The following PTPRD variants were observed in gnomAD, a reference collection of about 807,000 sequenced individuals.
The protein encoded by PTPRD is receptor-type tyrosine-protein phosphatase delta.
Under a neutral mutation model 214.5 loss-of-function variants are expected in PTPRD, and 34 were observed. The ratio of observed to expected loss-of-function variants is 0.16; its 90% CI spans 0.12 to 0.21. The LOEUF (loss-of-function observed/expected upper bound fraction) is 0.21, where lower values mean the gene tolerates loss of function less well. PTPRD is among the 10% of genes least tolerant of loss of function. The pLI, the probability that PTPRD is intolerant of heterozygous loss-of-function variation, is 1.00. For missense variants in PTPRD, 2,545 were observed against 2,398.7 expected, an observed-to-expected ratio of 1.06 and a Z score of -1.27; for synonymous variants, 1,128 against 845.7, an observed-to-expected ratio of 1.33 and a Z score of -5.79.
At chr9:8,568,355 G>A (rs1316635554) in intron 14 of PTPRD, among the ~76,000 whole-genome samples, 1 of 151,918 alleles carries the variant, frequency 6.6e-6, no homozygotes, top group Non-Finnish European at 1.5e-5. Context: ...TGATTTCAAG[G>A]CAATGTGACA....
chr9:8,837,463 A>G (rs2154531666), intron 11 of PTPRD, among the ~76,000 whole-genome samples: 1 of 152,134 alleles, frequency 6.6e-6, no homozygotes, highest in African/African-American at 2.4e-5. Context: ...AGGCATTCTC[A>G]CATCAGAAGA....
At chr9:10,417,840 T>G (rs2098507077) in intron 2 of PTPRD, among the ~76,000 whole-genome samples, 1 of 151,782 alleles carries the variant, frequency 6.6e-6, no homozygotes, top group African/African-American at 2.4e-5. Flanking sequence ...GTTTGCATAT[T>G]CAAATCTTCC....
At chr9:10,395,096 C>CT (rs988930051) in intron 2 of PTPRD, among the ~76,000 whole-genome samples, 12 of 150,124 alleles carry the variant, frequency 8.0e-5, no homozygotes, top group African/African-American at 2.7e-4. Flanking sequence ...TGCAGGCTTT[C>CT]TTTTTATTAT....
intron 6 of PTPRD, among the ~76,000 whole-genome samples, chr9:9,759,555 C>CTTTTTTTTTTTT (rs3050068): frequency 1.5e-4 from 18 of 117,816 alleles, no homozygotes; most frequent in East Asian, 6.9e-4. Context: ...CAAGGTCTGT[C>CTTTTTTTTTTTT]TTTTTTTTTT....
chr9:10,267,597 G>A (rs1381605321), intron 3 of PTPRD, among the ~76,000 whole-genome samples: 2 of 152,102 alleles, frequency 1.3e-5, no homozygotes, highest in African/African-American at 4.8e-5. Flanking sequence ...AATAACTAGA[G>A]TTTATTTTTG....
intron 3 of PTPRD, among the ~76,000 whole-genome samples, chr9:10,202,074 G>C (rs2099428403): frequency 6.6e-6 from 1 of 152,074 alleles, no homozygotes; most frequent in Non-Finnish European, 1.5e-5. Context: ...TTTTCAAATA[G>C]AGGCTGTTTA....
intron 11 of PTPRD, among the ~76,000 whole-genome samples, chr9:8,986,051 T>C (rs570751784): frequency 3.9e-5 from 6 of 152,082 alleles, no homozygotes; most frequent in Non-Finnish European, 8.8e-5. Context: ...TTTTTGAGTC[T>C]GTTGGAAAAA....
Position 9,835,432 on chromosome 9 carries a change from T to C in PTPRD, c.-367-68581A>G, listed in dbSNP as rs1028674807. ...GCTTTCTAACTTGTAAAGGTGGCAGTGCAAGAATCTCTGTTATTAAGAAGA... is the reference window on the plus strand; with the variant it reads ...GCTTTCTAACTTGTAAAGGTGGCAGCGCAAGAATCTCTGTTATTAAGAAGA... On this transcript the variant is annotated intron_variant, in intron 5 of 45. Transcript: ENST00000381196. Among the ~76,000 whole-genome samples, 5 of 152,124 alleles carry C rather than the reference T, an allele frequency of 3.3e-5. 1 individual carries two copies. The highest frequency in any genetic ancestry group is 1.2e-4 in the African/African-American group (5 of 41,440).
chr9:10,596,016 G>A lies in PTPRD; in HGVS notation c.-600+16382C>T, dbSNP rs546608834. On this transcript the variant is annotated intron_variant, in intron 2 of 45. Transcript: ENST00000381196. ...ATTAAAGCTATTTTCCTTTCAAATC[G>A]TTTTTCTTCTAATCCACCAGTTATA... is the stretch of plus-strand genomic sequence containing the variant. Among the ~76,000 whole-genome samples the A allele has an allele frequency of 1.4e-4, 21 of 151,796 alleles. No homozygotes were observed. The South Asian group carries it at 3.9e-3, about 29-fold the overall frequency.
At chr9:8,600,898 GA>G (rs2094817246) in intron 14 of PTPRD, among the ~76,000 whole-genome samples, 1 of 151,992 alleles carries the variant, frequency 6.6e-6, no homozygotes, top group Non-Finnish European at 1.5e-5. Context: ...AAATAAAAAA[GA>G]AACTTTGTCT....
chr9:8,612,915 T>C (rs2095498768), intron 14 of PTPRD, among the ~76,000 whole-genome samples: 1 of 152,204 alleles, frequency 6.6e-6, no homozygotes, highest in African/African-American at 2.4e-5. Context: ...GTTCTGTGAT[T>C]GGGTATGGCA....
At chr9:10,438,790 C>A (rs115022835) in intron 2 of PTPRD, among the ~76,000 whole-genome samples, 2,049 of 151,746 alleles carry the variant, frequency 0.014, 39 homozygotes, top group African/African-American at 0.045. Context: ...TAGTAGAGAG[C>A]TCAGATTTTC....
intron 2 of PTPRD, among the ~76,000 whole-genome samples, chr9:10,537,409 T>C (rs1015303777): frequency 6.6e-6 from 1 of 152,166 alleles, no homozygotes; most frequent in Non-Finnish European, 1.5e-5. Context: ...TTAATTTGTG[T>C]TGTACTTATT....
chr9:9,989,633 T>C (rs1436665000), intron 4 of PTPRD, among the ~76,000 whole-genome samples: 1 of 152,100 alleles, frequency 6.6e-6, no homozygotes, highest in African/African-American at 2.4e-5. Flanking sequence ...ACCTCATTCC[T>C]CCTGGACACT....
intron 14 of PTPRD, among the ~76,000 whole-genome samples, chr9:8,629,888 C>T (rs1311155694): frequency 6.6e-6 from 1 of 151,758 alleles, no homozygotes; most frequent in Non-Finnish European, 1.5e-5. Flanking sequence ...GTGGTTATCC[C>T]TCCTTATTGA....
intron 8 of PTPRD, among the ~76,000 whole-genome samples, chr9:9,534,829 T>A (rs972160489): frequency 6.6e-6 from 1 of 152,084 alleles, no homozygotes; most frequent in African/African-American, 2.4e-5. Context: ...ACCATGTAAT[T>A]GTCTTTAAAG....
At chr9:10,267,838 T>C (rs2094167767) in intron 3 of PTPRD, among the ~76,000 whole-genome samples, 2 of 152,188 alleles carry the variant, frequency 1.3e-5, no homozygotes, top group East Asian at 3.9e-4. Context: ...AATTTTGGAA[T>C]AGTTTCTATG....
intron 7 of PTPRD, among the ~76,000 whole-genome samples, chr9:9,693,525 T>A (rs1210568446): frequency 6.6e-6 from 1 of 152,132 alleles, no homozygotes; most frequent in East Asian, 1.9e-4. Context: ...GTCTGTTCTT[T>A]ATAGCCGTGT....
At chr9:9,097,585 T>C (rs1045501656) in intron 10 of PTPRD, among the ~76,000 whole-genome samples, 3 of 151,016 alleles carry the variant, frequency 2.0e-5, no homozygotes, top group Non-Finnish European at 2.9e-5. Flanking sequence ...ATTTTTTTTG[T>C]ATTTTTAGTA....
Sources: gnomAD v4.1 joint callset for allele counts (sites outside exome capture counted in the v4.1 genomes callset) on GRCh38, gnomAD v4.1.1 for gene constraint, MANE v1.5 for transcripts, NCBI Gene and HGNC (gene_info 2026-07-23, HGNC 2026-07-21) for gene names.